Variants in GSG1L observed in about 807,000 individuals in gnomAD.
GSG1L encodes GSG1 like.
GSG1L carries 24 observed loss-of-function variants against 42.1 expected under a neutral mutation model. That is an observed-to-expected ratio of 0.57 (90% CI 0.41 to 0.80). The LOEUF (loss-of-function observed/expected upper bound fraction) is 0.80. Ranked by LOEUF, GSG1L falls within the 30% of genes least tolerant of loss-of-function variation. The pLI is 0.00. For missense variants in GSG1L, 445 were observed against 472.2 expected, an observed-to-expected ratio of 0.94 and a Z score of 0.53; for synonymous variants, 215 against 203.5, an observed-to-expected ratio of 1.06 and a Z score of -0.48.
At chr16:27,813,318 G>A (rs1265938247) in intron 5 of GSG1L, among the ~76,000 whole-genome samples, 2 of 148,490 alleles carry the variant, frequency 1.3e-5, no homozygotes, top group East Asian at 1.9e-4. Flanking sequence ...GTAAGAACAC[G>A]CAGTATTTGG....
At chr16:28,003,091 A>G (rs1367445171) in intron 1 of GSG1L, among the ~76,000 whole-genome samples, 1 of 152,216 alleles carries the variant, frequency 6.6e-6, no homozygotes. Flanking sequence ...TCCTGGGACA[A>G]TGGGAGAGGC....
intron 3 of GSG1L, among the ~76,000 whole-genome samples, chr16:27,846,022 C>T (rs551121273): frequency 2.5e-4 from 38 of 152,088 alleles, no homozygotes; most frequent in Non-Finnish European, 4.9e-4. Flanking sequence ...CCCACCTCAG[C>T]CTCCTAAGTA....
chr16:27,810,996 T>G (rs1348148068), intron 5 of GSG1L, among the ~76,000 whole-genome samples: 1 of 152,106 alleles, frequency 6.6e-6, no homozygotes, highest in Non-Finnish European at 1.5e-5. Flanking sequence ...CCCAAAAAAG[T>G]CTTTTAATAA....
At chr16:27,896,032 T>C (rs1034130600) in intron 2 of GSG1L, among the ~76,000 whole-genome samples, 1 of 152,080 alleles carries the variant, frequency 6.6e-6, no homozygotes, top group Non-Finnish European at 1.5e-5. Context: ...AAATATAGAA[T>C]CTCTGGCCCC....
Position 27,949,331 on chromosome 16 carries a change from C to A in GSG1L, c.397+13825G>T, listed in dbSNP as rs139750204. On this transcript the variant is annotated intron_variant, in intron 2 of 6. Transcript: ENST00000447459. Reference sequence around the variant, plus strand: ...TGAGACTAAAATAATTAGACTTTTTCAGTGAATGAATGTGAACAGAAATAG... The same window carrying A: ...TGAGACTAAAATAATTAGACTTTTTAAGTGAATGAATGTGAACAGAAATAG... Among the ~76,000 whole-genome samples, 1,078 of 152,256 alleles carry A rather than the reference C, an allele frequency of 7.1e-3. 9 individuals carry two copies. Among genetic ancestry groups the A allele is most frequent in the Non-Finnish European group, 1.0e-2 (679 of 68,040 alleles).
At chr16:27,932,643 C>G (rs1021645154) in intron 2 of GSG1L, among the ~76,000 whole-genome samples, 1 of 152,118 alleles carries the variant, frequency 6.6e-6, no homozygotes. Context: ...CAGGCCCCAC[C>G]TTCAGCATTG....
At chr16:27,888,436 CTTTCTTTCTTTCTTTCTTTCTTTCTT>C (rs2084060470) in intron 2 of GSG1L, among the ~76,000 whole-genome samples, 2 of 22,912 alleles carry the variant, frequency 8.7e-5, no homozygotes, top group Non-Finnish European at 1.5e-4. Flanking sequence ...TTCTTTCTTT[CTTTCTTTCTTTCTTTCTTTCTTTCTT>C]TCTCTCTCTC....
At chr16:27,870,245 CTCTG>C (rs888567421) in intron 3 of GSG1L, among the ~76,000 whole-genome samples, 2 of 149,014 alleles carry the variant, frequency 1.3e-5, no homozygotes, top group Non-Finnish European at 3.0e-5. Context: ...CTCCATCTCT[CTCTG>C]TCTCTGTCTC....
intron 1 of GSG1L, among the ~76,000 whole-genome samples, chr16:27,983,202 G>A (rs936601710): frequency 6.6e-6 from 1 of 152,092 alleles, no homozygotes; most frequent in African/African-American, 2.4e-5. Flanking sequence ...GGGCATGGCG[G>A]TGCATGCCTG....
chr16:27,840,330 C>T (rs1205122527), intron 4 of GSG1L, among the ~76,000 whole-genome samples: 1 of 152,110 alleles, frequency 6.6e-6, no homozygotes, highest in East Asian at 1.9e-4. Context: ...TCACTTTGCC[C>T]AGCCCCTCTC....
chr16:28,033,278 G>T (rs1017953104), intron 1 of GSG1L, among the ~76,000 whole-genome samples: 1 of 152,210 alleles, frequency 6.6e-6, no homozygotes, highest in African/African-American at 2.4e-5. Context: ...CTATCTGAAG[G>T]AGATCAGCTC....
At chr16:28,012,300 T>A (rs1424846967) in intron 1 of GSG1L, among the ~76,000 whole-genome samples, 1 of 152,120 alleles carries the variant, frequency 6.6e-6, no homozygotes, top group Non-Finnish European at 1.5e-5. Context: ...CATGTGGTAT[T>A]CTAATTGCAT....
chr16:27,870,188 T>C (rs144071832), intron 3 of GSG1L, among the ~76,000 whole-genome samples: 30 of 148,330 alleles, frequency 2.0e-4, no homozygotes, highest in Non-Finnish European at 3.1e-4. Flanking sequence ...TCTCCTTCTC[T>C]CTCTGTCTCT....
intron 1 of GSG1L, among the ~76,000 whole-genome samples, chr16:27,983,084 C>T (rs1168917806): frequency 1.3e-5 from 2 of 152,192 alleles, no homozygotes; most frequent in Admixed American, 1.3e-4. Context: ...CCTGTAATCC[C>T]AGCACTTTGG....
chr16:27,794,005 GTTTT>G (rs200630221), intron 6 of GSG1L, among the ~76,000 whole-genome samples: 2 of 144,492 alleles, frequency 1.4e-5, no homozygotes, highest in Admixed American at 7.0e-5. Flanking sequence ...TTCCTAAACT[GTTTT>G]TTTGTTTGTT....
chr16:28,046,917 C>T (rs1396186328), intron 1 of GSG1L, among the ~76,000 whole-genome samples: 1 of 152,224 alleles, frequency 6.6e-6, no homozygotes, highest in Non-Finnish European at 1.5e-5. Context: ...GAAAAGTTTG[C>T]TTCTTTGTGT....
chr16:27,877,807 C>G (rs780847630), intron 3 of GSG1L, among the ~76,000 whole-genome samples: 16 of 152,166 alleles, frequency 1.1e-4, no homozygotes, highest in Non-Finnish European at 1.5e-5. Flanking sequence ...GGGGCAAGAT[C>G]TGTCCCTCAG....
chr16:27,870,675 G>A (rs1412296984), intron 3 of GSG1L, among the ~76,000 whole-genome samples: 2 of 151,480 alleles, frequency 1.3e-5, no homozygotes, highest in Non-Finnish European at 2.9e-5. Flanking sequence ...CGCCCAGAAT[G>A]CACCACTGTC....
At chr16:27,946,253 A>G (rs530246245) in intron 2 of GSG1L, among the ~76,000 whole-genome samples, 1 of 152,194 alleles carries the variant, frequency 6.6e-6, no homozygotes, top group East Asian at 1.9e-4. Context: ...CTGTCGAAAG[A>G]ACTAAATGAG....
Sources: allele counts gnomAD v4.1 joint callset (sites outside exome capture counted in the v4.1 genomes callset), GRCh38; gene constraint gnomAD v4.1.1; transcripts MANE v1.5; gene names NCBI Gene and HGNC (gene_info 2026-07-23, HGNC 2026-07-21).